The following SLC24A3 variants were observed in gnomAD, a reference collection of about 807,000 sequenced individuals.
The protein encoded by SLC24A3 is sodium/potassium/calcium exchanger 3.
A neutral mutation model predicts 75.8 loss-of-function variants in SLC24A3; 28 were observed. The ratio of observed to expected loss-of-function variants is 0.37; its 90% CI spans 0.27 to 0.51. SLC24A3 has a LOEUF of 0.51. Ranked by LOEUF, SLC24A3 falls within the 20% of genes least tolerant of loss-of-function variation. The pLI, the probability that SLC24A3 is intolerant of heterozygous loss-of-function variation, is 0.94. For missense variants in SLC24A3, 663 were observed against 847.8 expected (o/e 0.78, Z 2.71); for synonymous variants, 372 against 334.1 (o/e 1.11, Z -1.24).
At chr20:19,386,625 G>C (rs1390235849) in intron 2 of SLC24A3, among the ~76,000 whole-genome samples, 1 of 152,120 alleles carries the variant, frequency 6.6e-6, no homozygotes, top group Non-Finnish European at 1.5e-5. Flanking sequence ...TATTATGAAA[G>C]GATGCCAGAC....
chr20:19,375,829 G>C (rs548066988), intron 2 of SLC24A3, among the ~76,000 whole-genome samples: 2 of 152,310 alleles, frequency 1.3e-5, no homozygotes, highest in East Asian at 3.9e-4. Flanking sequence ...CAGAGAAGCT[G>C]AGGAAACCAT....
intron 2 of SLC24A3, among the ~76,000 whole-genome samples, chr20:19,334,872 G>C (rs1985092138): frequency 6.6e-6 from 1 of 152,138 alleles, no homozygotes; most frequent in Non-Finnish European, 1.5e-5. Flanking sequence ...CCTGCATGTG[G>C]GCTGAATGTC....
At chr20:19,687,282 A>G (rs999711184) in intron 12 of SLC24A3, among the ~76,000 whole-genome samples, 3 of 151,902 alleles carry the variant, frequency 2.0e-5, no homozygotes, top group African/African-American at 7.3e-5. Context: ...CTCCACCTTC[A>G]CCTGGATGTG....
chr20:19,478,960 A>G (rs1008451020), intron 2 of SLC24A3, among the ~76,000 whole-genome samples: 2 of 152,218 alleles, frequency 1.3e-5, no homozygotes, highest in East Asian at 3.8e-4. Flanking sequence ...TCAAAAGCGA[A>G]GCATTGTTCT....
At chr20:19,392,744 T>A (rs973827900) in intron 2 of SLC24A3, among the ~76,000 whole-genome samples, 1 of 152,234 alleles carries the variant, frequency 6.6e-6, no homozygotes, top group African/African-American at 2.4e-5. Context: ...ACCATTGACC[T>A]GTAACATACA....
intron 2 of SLC24A3, among the ~76,000 whole-genome samples, chr20:19,322,407 CTTCCTTCCTTCCTTCT>C (rs1984733674): frequency 2.2e-5 from 3 of 135,116 alleles, no homozygotes; most frequent in Non-Finnish European, 3.1e-5. Context: ...TCCTTCCTTC[CTTCCTTCCTTCCTTCT>C]TTCCTTACAT....
chr20:19,574,978 G>A (rs1256936314), intron 3 of SLC24A3, among the ~76,000 whole-genome samples: 6 of 151,998 alleles, frequency 3.9e-5, no homozygotes, highest in African/African-American at 7.3e-5. Flanking sequence ...GGCCAGCTGC[G>A]GTGGCTCACA....
intron 3 of SLC24A3, among the ~76,000 whole-genome samples, chr20:19,518,143 T>C (rs1190075559): frequency 4.6e-5 from 7 of 152,208 alleles, no homozygotes; most frequent in Admixed American, 4.6e-4. Flanking sequence ...ACAAACATCA[T>C]TGGATGTAAG....
At chr20:19,436,152 G>A (rs1332372074) in intron 2 of SLC24A3, among the ~76,000 whole-genome samples, 1 of 152,178 alleles carries the variant, frequency 6.6e-6, no homozygotes, top group Non-Finnish European at 1.5e-5. Context: ...ACACCCTGAG[G>A]TAAGGATCAC....
intron 2 of SLC24A3, among the ~76,000 whole-genome samples, chr20:19,293,950 T>C (rs6035277): frequency 0.06 from 9,070 of 152,166 alleles, 602 homozygotes; most frequent in African/African-American, 0.17. Flanking sequence ...TCAGAATGCA[T>C]GGGTCCTCAA....
At chr20:19,330,262 G>C (rs961507151) in intron 2 of SLC24A3, among the ~76,000 whole-genome samples, 3 of 152,282 alleles carry the variant, frequency 2.0e-5, no homozygotes, top group East Asian at 1.9e-4. Flanking sequence ...AGACTCCTCA[G>C]GGCTGGTTTC....
At chr20:19,267,602 T>C (rs1983205243) in intron 1 of SLC24A3, among the ~76,000 whole-genome samples, 1 of 152,250 alleles carries the variant, frequency 6.6e-6, no homozygotes, top group South Asian at 2.1e-4. Flanking sequence ...TAAATCAGGT[T>C]ATGTAATTTT....
intron 1 of SLC24A3, among the ~76,000 whole-genome samples, chr20:19,251,933 A>C (rs998630552): frequency 1.3e-5 from 2 of 152,146 alleles, no homozygotes; most frequent in African/African-American, 4.8e-5. Context: ...ATCAGAGTTA[A>C]GTTGATCCCA....
chr20:19,323,510 A>C (rs986707299), intron 2 of SLC24A3, among the ~76,000 whole-genome samples: 2 of 152,214 alleles, frequency 1.3e-5, no homozygotes, highest in African/African-American at 4.8e-5. Context: ...CTCAAGAACC[A>C]ATGGAATAAG....
At chr20:19,688,127 C>G (rs751583288) in intron 12 of SLC24A3, among the ~76,000 whole-genome samples, 3 of 152,176 alleles carry the variant, frequency 2.0e-5, no homozygotes, top group Non-Finnish European at 2.9e-5. Context: ...TCTAGCAGCC[C>G]TTCTCACCAG....
chr20:19,376,970 A>T lies in SLC24A3; in HGVS notation c.271+95883A>T, dbSNP rs558117120. On this transcript the variant is annotated intron_variant, in intron 2 of 16. Coordinates refer to ENST00000328041, the MANE Select transcript of SLC24A3 (RefSeq NM_020689.4). ...GGTGTTAATTATGCAGTTCAGTGTT[A>T]GCAGAGGAAATGCCACCGGCCTGTC... is the stretch of plus-strand genomic sequence containing the variant. 9.8e-5 allele frequency among the ~76,000 whole-genome samples: 15 copies of T among 152,354 alleles called. No individual in the cohort carries two copies. In the South Asian group the frequency reaches 1.9e-3, roughly 19 times the overall value.
chr20:19,457,175 A>T (rs909735650), intron 2 of SLC24A3, among the ~76,000 whole-genome samples: 5 of 152,336 alleles, frequency 3.3e-5, no homozygotes, highest in African/African-American at 1.2e-4. Flanking sequence ...GTAATCCCAG[A>T]TCCATCAACT....
chr20:19,507,255 C>T (rs377111950), intron 2 of SLC24A3, among the ~76,000 whole-genome samples: 3 of 152,168 alleles, frequency 2.0e-5, no homozygotes, highest in Admixed American at 6.5e-5. Flanking sequence ...ACCTTAACCT[C>T]CCTCCCCCAG....
intron 16 of SLC24A3, among the ~76,000 whole-genome samples, chr20:19,718,562 A>G (rs2033066087): frequency 6.6e-6 from 1 of 152,146 alleles, no homozygotes; most frequent in African/African-American, 2.4e-5. Context: ...CTTTTTATTG[A>G]CACCAAGTGA....
Sources: allele counts gnomAD v4.1 joint callset (sites outside exome capture counted in the v4.1 genomes callset), GRCh38; gene constraint gnomAD v4.1.1; transcripts MANE v1.5; gene names NCBI Gene and HGNC (gene_info 2026-07-23, HGNC 2026-07-21).